Variants in PGAP1 observed in about 807,000 individuals in gnomAD.
PGAP1 encodes post-GPI attachment to proteins inositol deacylase 1, also known as GPI inositol-deacylase.
PGAP1 carries 76 observed loss-of-function variants against 127.0 expected under a neutral mutation model. The ratio of observed to expected loss-of-function variants is 0.60; its 90% CI spans 0.50 to 0.72. The LOEUF (loss-of-function observed/expected upper bound fraction) is 0.72. PGAP1 is among the 30% of genes least tolerant of loss of function. The pLI is 0.00. For missense variants in PGAP1, 982 were observed against 1,071.3 expected, an observed-to-expected ratio of 0.92 and a Z score of 1.16; for synonymous variants, 362 against 366.5, an observed-to-expected ratio of 0.99 and a Z score of 0.14.
rs780615649 is a variant in PGAP1, at chr2:196,926,548, C to G, written c.69G>C (p.Leu23=). ...AGCCGAAGAAGACATCCCACAGCCC[C>G]AGGGTTGCCAGAAAGACCATGAAGA... is the stretch of plus-strand genomic sequence containing the variant. ...FYVFMVFLAT[L]GLWDVFFGFE... The change falls in exon 1 of 27, where the codon CTG becomes CTC. Residue 23 remains leucine (L), a synonymous_variant. Coordinates refer to ENST00000354764, the MANE Select transcript of PGAP1 (RefSeq NM_024989.4). 1 of 1,614,186 alleles carries G rather than the reference C, an allele frequency of 6.2e-7. No homozygotes were observed. Among genetic ancestry groups the G allele is most frequent in the Non-Finnish European group, 8.5e-7 (1 of 1,180,024 alleles).
chr2:196,897,703 A>G (rs1464841564), intron 6 of PGAP1, among the ~76,000 whole-genome samples: 3 of 152,178 alleles, frequency 2.0e-5, no homozygotes, highest in Non-Finnish European at 4.4e-5. Flanking sequence ...AGACAGTCCT[A>G]CCAAAAGTGC....
intron 20 of PGAP1, among the ~76,000 whole-genome samples, chr2:196,853,332 T>C (rs1203719735): frequency 6.6e-6 from 1 of 152,262 alleles, no homozygotes; most frequent in Non-Finnish European, 1.5e-5. Flanking sequence ...TGTTTTCCTC[T>C]TGGATAACTT....
intron 12 of PGAP1, among the ~76,000 whole-genome samples, chr2:196,880,763 C>G (rs1701704311): frequency 1.3e-5 from 2 of 152,126 alleles, no homozygotes; most frequent in Admixed American, 6.5e-5. Context: ...AAATTAAGAC[C>G]AGTCCTATAG....
intron 4 of PGAP1, among the ~76,000 whole-genome samples, chr2:196,903,159 C>T (rs1338458583): frequency 1.3e-5 from 2 of 151,680 alleles, no homozygotes; most frequent in East Asian, 3.9e-4. Context: ...ATGGTATATG[C>T]ACATGTTCAA....
At position 196,840,822 on chromosome 2, in the gene PGAP1, C is replaced by T. The variant is rs958826993; in HGVS notation, c.*412G>A. 1.3e-5 allele frequency: 2 copies of T among 154,072 alleles called. No homozygotes were observed. The highest frequency in any genetic ancestry group is 4.8e-5 in the African/African-American group (2 of 41,512). The allele number at this position is 154,072 out of a possible 1,614,324, so 9.5% of individuals were successfully genotyped here. A position where few individuals can be genotyped will look rare whatever the true frequency, so the allele number is the denominator to read the frequency against. On this transcript the variant is annotated 3_prime_UTR_variant, in exon 27 of 27. Coordinates refer to ENST00000354764, the MANE Select transcript of PGAP1 (RefSeq NM_024989.4). Reference sequence around the variant, plus strand: ...TTATTTCTTAATAGGTAAACTATAGCAAATTCAAAATAACCTACTTTTGTG... The same window carrying T: ...TTATTTCTTAATAGGTAAACTATAGTAAATTCAAAATAACCTACTTTTGTG...
chr2:196,879,504 G>A (rs1194437198), intron 13 of PGAP1, among the ~76,000 whole-genome samples: 1 of 152,078 alleles, frequency 6.6e-6, no homozygotes, highest in African/African-American at 2.4e-5. Flanking sequence ...AGACCATCCT[G>A]GCCAGCATGG....
intron 7 of PGAP1, among the ~76,000 whole-genome samples, chr2:196,896,341 A>T (rs965253091): frequency 5.3e-5 from 8 of 152,254 alleles, no homozygotes; most frequent in Admixed American, 2.0e-4. Flanking sequence ...AGTGGTTTTT[A>T]AAAAAGCATG....
intron 7 of PGAP1, 144 bp from the exon 8 acceptor site, chr2:196,893,389 A>T (rs1702167285): frequency 2.6e-6 from 1 of 385,172 alleles, no homozygotes; most frequent in African/African-American, 2.1e-5. Flanking sequence ...AAACTCACTC[A>T]ATCATCACAA....
chr2:196,916,467 T>G lies in PGAP1; in HGVS notation c.428A>C (p.Gln143Pro). 6.2e-7 allele frequency: 1 copy of G among 1,613,410 alleles called. No homozygotes were observed. Among genetic ancestry groups the G allele is most frequent in the Non-Finnish European group, 8.5e-7 (1 of 1,179,722 alleles). Residue 143 changes from glutamine to proline, a missense_variant, in exon 3 of 27, where the codon CAG becomes CCG. Transcript: ENST00000354764. ...VALYGGSLQK[Q>P]TKFVHECIKT... ...AATACATTCATGTACAAACTTGGTC[T>G]GCTTCTGAAGACTTCCACCATACAA...
At chr2:196,916,627 A>C (rs1341370476) in intron 2 of PGAP1, 34 bp from the exon 3 acceptor site, 1 of 1,546,580 alleles carries the variant, frequency 6.5e-7, no homozygotes, top group Admixed American at 2.0e-5. Context: ...CACATTAAAC[A>C]ATATTTACAG....
intron 20 of PGAP1, among the ~76,000 whole-genome samples, chr2:196,848,632 T>C (rs1438043743): frequency 1.3e-5 from 2 of 152,190 alleles, no homozygotes; most frequent in Non-Finnish European, 2.9e-5. Flanking sequence ...CAGTATTTCA[T>C]TTAATTTCTT....
intron 4 of PGAP1, among the ~76,000 whole-genome samples, chr2:196,904,713 C>T (rs1214193166): frequency 6.6e-6 from 1 of 151,778 alleles, no homozygotes; most frequent in African/African-American, 2.4e-5. Context: ...GGCAACAGAG[C>T]GTGACTGTCT....
intron 3 of PGAP1, among the ~76,000 whole-genome samples, chr2:196,915,535 C>A (rs959701519): frequency 6.6e-6 from 1 of 152,172 alleles, no homozygotes; most frequent in Non-Finnish European, 1.5e-5. Context: ...TTCAATCTTT[C>A]CAGTTGTTTA....
intron 19 of PGAP1, among the ~76,000 whole-genome samples, chr2:196,867,350 T>C (rs1293489965): frequency 6.6e-6 from 1 of 152,168 alleles, no homozygotes; most frequent in Non-Finnish European, 1.5e-5. Flanking sequence ...CTGGAAATCA[T>C]CATTCTCAGC....
chr2:196,913,690 G>A (rs1190379575), intron 3 of PGAP1, among the ~76,000 whole-genome samples: 1 of 152,072 alleles, frequency 6.6e-6, no homozygotes, highest in Non-Finnish European at 1.5e-5. Context: ...TCCTTCCTAT[G>A]TACCATCGCT....
In PGAP1 at chr2:196,912,879, C is replaced by A; in HGVS notation, c.649+3G>T. On this transcript the variant is annotated splice_donor_region_variant and intron_variant, in intron 4 of 26. Transcript: ENST00000354764. Reference sequence around the variant, plus strand: ...AGGTTAATGTTCATGTAACAGTACTCACCTGTAATGAAACGATCTAATGGC... The same window carrying A: ...AGGTTAATGTTCATGTAACAGTACTAACCTGTAATGAAACGATCTAATGGC... 6.2e-7 allele frequency: 1 copy of A among 1,601,896 alleles called. No individual in the cohort carries two copies. The highest frequency in any genetic ancestry group is 8.5e-7 in the Non-Finnish European group (1 of 1,174,192).
chr2:196,854,921 G>A (rs1700829830), intron 20 of PGAP1, among the ~76,000 whole-genome samples: 1 of 151,930 alleles, frequency 6.6e-6, no homozygotes, highest in Non-Finnish European at 1.5e-5. Flanking sequence ...AAGACTGCAG[G>A]CATGTGCCAC....
At chr2:196,901,408 GACA>G (rs1343130810) in intron 5 of PGAP1, among the ~76,000 whole-genome samples, 1 of 152,128 alleles carries the variant, frequency 6.6e-6, no homozygotes, top group Admixed American at 6.5e-5. Context: ...TCTAAAGTAG[GACA>G]ACAATAGGTG....
chr2:196,885,934 T>C, intron 10 of PGAP1, 54 bp from the exon 11 acceptor site: 6 of 1,245,434 alleles, frequency 4.8e-6, no homozygotes, highest in Non-Finnish European at 6.3e-6. Flanking sequence ...AAAATAATTA[T>C]ACAAAACAAA....
Sources: allele counts gnomAD v4.1 joint callset (sites outside exome capture counted in the v4.1 genomes callset), GRCh38; gene constraint gnomAD v4.1.1; transcripts MANE v1.5; gene names NCBI Gene and HGNC (gene_info 2026-07-23, HGNC 2026-07-21).